Variants in POU6F2 observed in about 807,000 individuals in gnomAD.
POU6F2 encodes the protein POU domain, class 6, transcription factor 2.
A neutral mutation model predicts 71.3 loss-of-function variants in POU6F2; 31 were observed. The observed-to-expected ratio is 0.43, with a 90% confidence interval of 0.33 to 0.59. The LOEUF (loss-of-function observed/expected upper bound fraction) is 0.59, where lower values mean the gene tolerates loss of function less well. Among genes scored for constraint, POU6F2 ranks in the 20% least tolerant of loss-of-function variants. The pLI, the probability that POU6F2 is intolerant of heterozygous loss-of-function variation, is 0.04. For missense variants in POU6F2, 783 were observed against 856.8 expected (o/e 0.91, Z 1.07); for synonymous variants, 347 against 355.7 (o/e 0.98, Z 0.27).
intron 1 of POU6F2, among the ~76,000 whole-genome samples, chr7:39,048,509 A>G (rs1410771261): frequency 6.6e-6 from 1 of 151,904 alleles, no homozygotes; most frequent in Admixed American, 6.6e-5. Flanking sequence ...GCTGCAATGG[A>G]CATGATCTCA....
intron 5 of POU6F2, among the ~76,000 whole-genome samples, chr7:39,384,790 T>C (rs1333832143): frequency 6.6e-6 from 1 of 152,256 alleles, no homozygotes; most frequent in Non-Finnish European, 1.5e-5. Flanking sequence ...TATTGCCTTG[T>C]CTGTGGTTTA....
chr7:39,320,039 G>A (rs540223590), intron 4 of POU6F2, among the ~76,000 whole-genome samples: 1 of 152,180 alleles, frequency 6.6e-6, no homozygotes, highest in Non-Finnish European at 1.5e-5. Context: ...CTTTAAGCCG[G>A]CTCAGAGGGT....
intron 2 of POU6F2, among the ~76,000 whole-genome samples, chr7:39,134,188 A>G (rs1792344972): frequency 1.3e-5 from 2 of 152,054 alleles, no homozygotes; most frequent in South Asian, 2.1e-4. Context: ...ATTTTTTCTG[A>G]TATTATTTTT....
chr7:39,353,984 C>T (rs186937174), intron 5 of POU6F2, among the ~76,000 whole-genome samples: 6 of 152,074 alleles, frequency 3.9e-5, no homozygotes, highest in East Asian at 1.9e-4. Flanking sequence ...GGCCCAGGCC[C>T]GGGAAAGGAA....
chr7:39,024,318 G>C (rs1479313961), intron 1 of POU6F2, among the ~76,000 whole-genome samples: 1 of 151,708 alleles, frequency 6.6e-6, no homozygotes, highest in African/African-American at 2.4e-5. Flanking sequence ...TCTGTTATTG[G>C]TGTGTAAGAA....
intron 6 of POU6F2, among the ~76,000 whole-genome samples, chr7:39,423,823 T>G (rs1371473029): frequency 6.6e-6 from 1 of 152,206 alleles, no homozygotes; most frequent in African/African-American, 2.4e-5. Context: ...CTGAGCATCT[T>G]GCTTATCTGG....
intron 2 of POU6F2, among the ~76,000 whole-genome samples, chr7:39,196,884 A>G (rs1253767627): frequency 6.6e-6 from 1 of 152,266 alleles, no homozygotes; most frequent in Non-Finnish European, 1.5e-5. Flanking sequence ...AAGGAAAACT[A>G]GTAACCCAAA....
chr7:39,412,340 T>C (rs1173200913), intron 6 of POU6F2, among the ~76,000 whole-genome samples: 1 of 152,184 alleles, frequency 6.6e-6, no homozygotes, highest in East Asian at 1.9e-4. Flanking sequence ...TTTAAATACA[T>C]GAGAATCTTT....
chr7:39,142,988 T>C (rs534255193), intron 2 of POU6F2, among the ~76,000 whole-genome samples: 11 of 152,368 alleles, frequency 7.2e-5, no homozygotes, highest in African/African-American at 2.6e-4. Flanking sequence ...ATGTATCATC[T>C]CTGTTCTAGA....
At chr7:38,978,580 G>A (rs1416572770) in intron 1 of POU6F2, among the ~76,000 whole-genome samples, 1 of 152,086 alleles carries the variant, frequency 6.6e-6, no homozygotes, top group African/African-American at 2.4e-5. Context: ...ATTGAGCCCG[G>A]TAAATGTAGT....
chr7:39,208,765 T>G (rs368329917), intron 4 of POU6F2, among the ~76,000 whole-genome samples: 1 of 152,188 alleles, frequency 6.6e-6, no homozygotes, highest in African/African-American at 2.4e-5. Context: ...GCACAAACTT[T>G]GCTTGTTTCA....
chr7:39,017,916 T>C (rs911366909), intron 1 of POU6F2, among the ~76,000 whole-genome samples: 2 of 152,040 alleles, frequency 1.3e-5, no homozygotes, highest in African/African-American at 2.4e-5. Flanking sequence ...TTTCATCATA[T>C]TATCTCCAAA....
At chr7:38,994,440 A>G (rs890307224) in intron 1 of POU6F2, among the ~76,000 whole-genome samples, 13 of 152,168 alleles carry the variant, frequency 8.5e-5, no homozygotes, top group African/African-American at 2.9e-4. Context: ...TCCATTTGCC[A>G]GGACAAAGGT....
rs754399260 is a variant in POU6F2 at position 39,339,682 on chromosome 7, C to CAG, written c.639_640insAG (p.Gln214SerfsTer118). 9.1e-4 allele frequency: 1,452 copies of CAG among 1,602,348 alleles called. 1 individual carries two copies. The highest frequency in any genetic ancestry group is 6.4e-3 in the South Asian group (580 of 90,252). On this transcript the variant is annotated frameshift_variant, in exon 5 of 10. Transcript: ENST00000518318. LOFTEE classifies it high-confidence loss of function. ...ACTCCCAGCTCCAGCAGCTCCAGCT[C>CAG]CAGCTCCAGCAGCAGCAGCAGCAGC... is the stretch of plus-strand genomic sequence containing the variant.
At chr7:39,297,224 C>CAT (rs1291243161) in intron 4 of POU6F2, among the ~76,000 whole-genome samples, 2 of 151,724 alleles carry the variant, frequency 1.3e-5, no homozygotes, top group East Asian at 1.9e-4. Flanking sequence ...CACACACACA[C>CAT]ACACACACAC....
At chr7:39,395,545 G>A (rs935369343) in intron 5 of POU6F2, among the ~76,000 whole-genome samples, 1 of 152,272 alleles carries the variant, frequency 6.6e-6, no homozygotes, top group Middle Eastern at 3.4e-3. Flanking sequence ...TAGACTATAT[G>A]GGCAGTGCCT....
chr7:39,010,009 C>T (rs1448805706), intron 1 of POU6F2, among the ~76,000 whole-genome samples: 1 of 151,034 alleles, frequency 6.6e-6, no homozygotes, highest in Non-Finnish European at 1.5e-5. Flanking sequence ...CTCTGCCAGG[C>T]TTTGGTATCA....
chr7:39,135,612 T>C (rs571982576), intron 2 of POU6F2, among the ~76,000 whole-genome samples: 4 of 152,018 alleles, frequency 2.6e-5, no homozygotes, highest in Non-Finnish European at 4.4e-5. Context: ...CTATTCCTGA[T>C]AAAAAACCTC....
intron 1 of POU6F2, among the ~76,000 whole-genome samples, chr7:39,034,775 T>C (rs753589449): frequency 3.3e-5 from 5 of 152,130 alleles, no homozygotes; most frequent in Non-Finnish European, 7.4e-5. Flanking sequence ...GAATGCACAA[T>C]AGGAGAGGCA....
Sources: gnomAD v4.1 joint callset for allele counts (sites outside exome capture counted in the v4.1 genomes callset) on GRCh38, gnomAD v4.1.1 for gene constraint, MANE v1.5 for transcripts, NCBI Gene and HGNC (gene_info 2026-07-23, HGNC 2026-07-21) for gene names.